Variants in VWA2 observed in about 807,000 individuals in gnomAD.
VWA2 encodes the protein von Willebrand factor A domain-containing protein 2.
In VWA2, 73 loss-of-function variants were observed where a neutral mutation model predicts 70.4. The ratio of observed to expected loss-of-function variants is 1.04; its 90% confidence interval spans 0.86 to 1.26. VWA2 has a LOEUF of 1.26. Among genes scored for constraint, VWA2 ranks in the 50% most tolerant of loss-of-function variants. The pLI is 0.00. For missense variants in VWA2, 1,011 were observed against 998.5 expected (o/e 1.01, Z -0.17); for synonymous variants, 407 against 423.3 (o/e 0.96, Z 0.47).
intron 1 of VWA2, 47 bp from the exon 2 acceptor site, chr10:114,248,657 A>G: frequency 6.4e-7 from 1 of 1,558,092 alleles, no homozygotes; most frequent in Admixed American, 1.7e-5. Flanking sequence ...TGGGGCGTTC[A>G]CAGAACTAAT....
chr10:114,285,528 C>G (rs1467823996), intron 10 of VWA2, among the ~76,000 whole-genome samples: 1 of 152,228 alleles, frequency 6.6e-6, no homozygotes, highest in African/African-American at 2.4e-5. Flanking sequence ...AATCTTGACC[C>G]TGTACCTCAC....
chr10:114,243,709 C>T (rs1287954252), intron 1 of VWA2, among the ~76,000 whole-genome samples: 1 of 152,210 alleles, frequency 6.6e-6, no homozygotes, highest in African/African-American at 2.4e-5. Context: ...GCAAAACTGC[C>T]TTCAGCGATC....
In VWA2 at chr10:114,291,249, C is replaced by T; in HGVS notation, c.*12C>T. 6.5e-7 allele frequency: 1 copy of T among 1,550,140 alleles called. No individual in the cohort carries two copies. Among genetic ancestry groups the T allele is most frequent in the Non-Finnish European group, 8.7e-7 (1 of 1,146,800 alleles). ...TGAGACGCCCCTGAGGCACATGGCT[C>T]CCGTGCAGGAGGGCAGCAGCCGTAC... On this transcript the variant is annotated 3_prime_UTR_variant, in exon 14 of 14. Coordinates refer to ENST00000392982, the MANE Select transcript of VWA2 (RefSeq NM_001272046.2).
intron 5 of VWA2, among the ~76,000 whole-genome samples, chr10:114,262,492 T>C (rs984305469): frequency 8.5e-5 from 13 of 152,212 alleles, no homozygotes; most frequent in Non-Finnish European, 1.9e-4. Context: ...TCTGGGCTCC[T>C]GCTGCCCCTT....
In VWA2 at chr10:114,291,367, C is replaced by T. The variant is rs1033397449; in HGVS notation, c.*130C>T. The T allele has an allele frequency of 1.9e-4, 224 of 1,154,576 alleles. No homozygotes were observed. The highest frequency in any genetic ancestry group is 7.6e-5 in the Non-Finnish European group (64 of 841,838). 71.5% of individuals were successfully genotyped at this position (1,154,576 alleles called of 1,614,324 possible). A position where few individuals can be genotyped will look rare whatever the true frequency, so the allele number is the denominator to read the frequency against. On this transcript the variant is annotated 3_prime_UTR_variant, in exon 14 of 14. Transcript: ENST00000392982. ...CCAGGTCCTTAGAATGTCTGCTTCC[C>T]GCCGTGGCCAGGACCACTATTCTCA...
At chr10:114,247,077 C>T (rs913303982) in intron 1 of VWA2, among the ~76,000 whole-genome samples, 8 of 151,760 alleles carry the variant, frequency 5.3e-5, no homozygotes, top group African/African-American at 9.7e-5. Context: ...CTGACTCGAT[C>T]GGTTAAGGAG....
intron 3 of VWA2, among the ~76,000 whole-genome samples, 197 bp from the exon 4 acceptor site, chr10:114,254,718 A>G (rs1235093600): frequency 6.6e-6 from 1 of 152,212 alleles, no homozygotes; most frequent in African/African-American, 2.4e-5. Context: ...GCTTTCACGT[A>G]AGGGCACATT....
chr10:114,279,361 G>T (rs1447679238), intron 8 of VWA2, among the ~76,000 whole-genome samples: 1 of 152,038 alleles, frequency 6.6e-6, no homozygotes. Context: ...ACTGTTCCTG[G>T]GCACTTTCTT....
At chr10:114,246,529 G>A (rs1406771002) in intron 1 of VWA2, 29 of 578,844 alleles carry the variant, frequency 5.0e-5, no homozygotes, top group Non-Finnish European at 7.2e-5. Flanking sequence ...AAAAAAACGA[G>A]TATCATGGGT....
chr10:114,269,768 T>C (rs182052567), intron 5 of VWA2, among the ~76,000 whole-genome samples: 142 of 152,164 alleles, frequency 9.3e-4, no homozygotes, highest in African/African-American at 3.2e-3. Flanking sequence ...GTGATAATGA[T>C]CAGATGGACC....
intron 11 of VWA2, 106 bp from the exon 12 acceptor site, chr10:114,288,832 G>C: frequency 1.7e-6 from 2 of 1,170,422 alleles, no homozygotes; most frequent in South Asian, 2.9e-5. Context: ...AGTGAACAGA[G>C]CACCCTGGCT....
chr10:114,259,922 C>T (rs1028283269), intron 4 of VWA2, among the ~76,000 whole-genome samples: 6 of 152,170 alleles, frequency 3.9e-5, no homozygotes, highest in Non-Finnish European at 8.8e-5. Context: ...CAAAAAGGAA[C>T]CCCACCCAGC....
At chr10:114,262,800 C>G (rs890036419) in intron 5 of VWA2, among the ~76,000 whole-genome samples, 3 of 152,216 alleles carry the variant, frequency 2.0e-5, no homozygotes, top group Non-Finnish European at 2.9e-5. Context: ...CAAGAAAGTA[C>G]AAAAGGAAAG....
At position 114,291,813 on chromosome 10, in the gene VWA2, G is replaced by A. The variant is rs2039629005; in HGVS notation, c.*576G>A. 6.6e-6 allele frequency among the ~76,000 whole-genome samples: 1 copy of A among 152,236 alleles called. No individual in the cohort carries two copies. Among genetic ancestry groups the A allele is most frequent in the Admixed American group, 6.5e-5 (1 of 15,284 alleles). ...GGGACGTTTGTGACTTCTGGCGACT[G>A]CCTTTTGTGTGTGGAAGAGACTTGG... On this transcript the variant is annotated 3_prime_UTR_variant, in exon 14 of 14. Coordinates refer to ENST00000392982, the MANE Select transcript of VWA2 (RefSeq NM_001272046.2).
chr10:114,239,762 TG>T (rs2036942770), intron 1 of VWA2, among the ~76,000 whole-genome samples, 193 bp downstream of exon 1: 2 of 152,190 alleles, frequency 1.3e-5, no homozygotes, highest in Non-Finnish European at 2.9e-5. Flanking sequence ...GCGGCCTTCC[TG>T]GCACGGCGGC....
At chr10:114,263,723 T>A (rs564991519) in intron 5 of VWA2, among the ~76,000 whole-genome samples, 8 of 152,208 alleles carry the variant, frequency 5.3e-5, no homozygotes, top group Non-Finnish European at 1.0e-4. Context: ...TATGGAGATA[T>A]ATTTTATATG....
chr10:114,253,608 CT>C (rs59164459), intron 2 of VWA2, 42 bp from the exon 3 acceptor site: 301,068 of 1,575,858 alleles, frequency 0.19, 30,070 homozygotes, highest in Admixed American at 0.3. Context: ...GCCTCCTCCC[CT>C]CTCAGCATTT....
rs1223256370 is a variant in VWA2 at position 114,251,224 on chromosome 10, C to T, written c.53-2427C>T. Among the ~76,000 whole-genome samples the T allele has an allele frequency of 3.9e-5, 6 of 152,204 alleles. 1 individual carries two copies. Among genetic ancestry groups the T allele is most frequent in the East Asian group, 3.8e-4 (2 of 5,202 alleles). ...GCAGCTGGTCTTTAGAGGGGGCTGCCGACTTGGTTGGAAAAAGCAACAGCA... is the reference window on the plus strand; with the variant it reads ...GCAGCTGGTCTTTAGAGGGGGCTGCTGACTTGGTTGGAAAAAGCAACAGCA... On this transcript the variant is annotated intron_variant, in intron 2 of 13. Transcript: ENST00000392982.
intron 6 of VWA2, among the ~76,000 whole-genome samples, chr10:114,274,536 G>A (rs1348712248): frequency 2.0e-5 from 3 of 152,226 alleles, no homozygotes; most frequent in African/African-American, 4.8e-5. Flanking sequence ...GTGCAGTGGC[G>A]CCATCTCAGC....
Sources: gnomAD v4.1 joint callset for allele counts (sites outside exome capture counted in the v4.1 genomes callset) on GRCh38, gnomAD v4.1.1 for gene constraint, MANE v1.5 for transcripts, NCBI Gene and HGNC (gene_info 2026-07-23, HGNC 2026-07-21) for gene names.